Variants in TAF1B observed in about 807,000 individuals in gnomAD.
TAF1B encodes the protein TATA box-binding protein-associated factor RNA polymerase I subunit B.
In TAF1B, 61 loss-of-function variants were observed where a neutral mutation model predicts 83.9. That is an observed-to-expected ratio of 0.73 (90% CI 0.59 to 0.90). The LOEUF (loss-of-function observed/expected upper bound fraction) is 0.90, where lower values mean the gene tolerates loss of function less well. Ranked by LOEUF, TAF1B falls within the 40% of genes least tolerant of loss-of-function variation. The probability of loss-of-function intolerance (pLI) is 0.00; values close to 1 mark genes in which losing one functional copy is unlikely to be tolerated. For missense variants in TAF1B, 625 were observed against 677.0 expected (o/e 0.92, Z 0.85); for synonymous variants, 221 against 224.6 (o/e 0.98, Z 0.14).
In TAF1B at chr2:9,845,264, G is replaced by A; in HGVS notation, c.63G>A (p.Trp21Ter). ...GTACTCAGTGTGCTGCTGTCTCATG[G>A]GGTCTTACTGATGAAGGCAAATATT... ...ERCTQCAAVS[W>*]GLTDEGKYYC... Residue 21 changes from tryptophan to a stop codon, truncating the protein, a stop_gained, in exon 2 of 15, where the codon TGG becomes TGA. Transcript: ENST00000263663. LOFTEE classifies it high-confidence loss of function. 2 of 1,613,860 alleles carry A rather than the reference G, an allele frequency of 1.2e-6. No individual in the cohort carries two copies. The highest frequency in any genetic ancestry group is 1.7e-6 in the Non-Finnish European group (2 of 1,179,864).
At chr2:9,891,367 C>T (rs1479336423) in intron 8 of TAF1B, among the ~76,000 whole-genome samples, 1 of 152,140 alleles carries the variant, frequency 6.6e-6, no homozygotes, top group African/African-American at 2.4e-5. Context: ...TTATTCTCCA[C>T]CTTTATTTCC....
At chr2:9,895,673 T>C (rs1375238742) in intron 8 of TAF1B, among the ~76,000 whole-genome samples, 1 of 152,210 alleles carries the variant, frequency 6.6e-6, no homozygotes, top group Non-Finnish European at 1.5e-5. Context: ...TTCTGATAGT[T>C]TTATTCCTTG....
rs147521086 is a variant in TAF1B, at chr2:9,882,774, A to G, written c.776A>G (p.Tyr259Cys). The change falls in exon 8 of 15, where the codon TAT becomes TGT. Residue 259 changes from tyrosine to cysteine, a missense_variant. Physicochemically the swap from Tyr to Cys is radical, Grantham distance 194. Coordinates refer to ENST00000263663, the MANE Select transcript of TAF1B (RefSeq NM_005680.3). ...FQHFPEQMKL[Y>C]GRDRGIFGIE... is the part of the protein sequence containing the mutation. Reference sequence around the variant, plus strand: ...CATTTTCCAGAACAGATGAAATTATATGGACGTGACAGAGGAATCTTTGGT... The same window carrying G: ...CATTTTCCAGAACAGATGAAATTATGTGGACGTGACAGAGGAATCTTTGGT... 47 of 1,611,808 alleles carry G rather than the reference A, an allele frequency of 2.9e-5. No homozygotes were observed. The African/African-American group carries it at 5.5e-4, about 19-fold the overall frequency.
rs73913907 is a variant in TAF1B at position 9,883,729 on chromosome 2, G to A, written c.807+924G>A. The stretch of plus-strand genomic sequence containing the variant: ...TGAAGAAGAGAAAACCAATAATGAG[G>A]ATGGCACAATAGGTGCTTCCAAAGG... On this transcript the variant is annotated intron_variant, in intron 8 of 14. Transcript: ENST00000263663. 4.0e-3 allele frequency among the ~76,000 whole-genome samples: 613 copies of A among 152,328 alleles called. 5 individuals are homozygous for A. The highest frequency in any genetic ancestry group is 0.014 in the African/African-American group (584 of 41,568).
chr2:9,911,424 C>G, intron 10 of TAF1B, 87 bp from the exon 11 acceptor site: 4 of 1,059,984 alleles, frequency 3.8e-6, no homozygotes, highest in South Asian at 3.2e-5. Flanking sequence ...AAATACTGTT[C>G]TACACTTTTC....
chr2:9,883,425 T>C (rs781457526), intron 8 of TAF1B, among the ~76,000 whole-genome samples: 3 of 152,216 alleles, frequency 2.0e-5, no homozygotes, highest in Admixed American at 6.5e-5. Flanking sequence ...TAGAACTTCA[T>C]GACCCTGACA....
At chr2:9,917,842 G>A (rs1665729972) in intron 12 of TAF1B, among the ~76,000 whole-genome samples, 1 of 151,946 alleles carries the variant, frequency 6.6e-6, no homozygotes, top group Non-Finnish European at 1.5e-5. Context: ...GGAGGCCGAG[G>A]CGGGCGGATC....
At chr2:9,927,787 A>G (rs977083466) in intron 14 of TAF1B, among the ~76,000 whole-genome samples, 13 of 152,262 alleles carry the variant, frequency 8.5e-5, no homozygotes, top group Admixed American at 7.2e-4. Context: ...AGATGGGTAG[A>G]TTGAAAAAAT....
chr2:9,916,401 G>A (rs979443940), intron 12 of TAF1B, among the ~76,000 whole-genome samples: 5 of 152,188 alleles, frequency 3.3e-5, no homozygotes, highest in African/African-American at 1.2e-4. Context: ...ACACTTAAGA[G>A]TATTTTTATT....
intron 5 of TAF1B, among the ~76,000 whole-genome samples, chr2:9,860,419 A>G (rs1262108194): frequency 1.3e-5 from 2 of 152,228 alleles, no homozygotes; most frequent in African/African-American, 4.8e-5. Flanking sequence ...GAGTGCTACA[A>G]ATTCAATTTT....
intron 1 of TAF1B, 83 bp from the exon 2 acceptor site, chr2:9,845,137 C>T: frequency 3.2e-6 from 3 of 927,112 alleles, no homozygotes; most frequent in Non-Finnish European, 5.1e-6. Flanking sequence ...GCCAGGAACC[C>T]ATTAAATAGA....
At chr2:9,871,779 T>C (rs531626011) in intron 6 of TAF1B, among the ~76,000 whole-genome samples, 5 of 152,224 alleles carry the variant, frequency 3.3e-5, no homozygotes, top group Admixed American at 2.0e-4. Context: ...CTTTGAGTCT[T>C]CTGTTTGGCG....
intron 6 of TAF1B, chr2:9,868,815 A>G (rs1363066718): frequency 4.9e-6 from 2 of 407,988 alleles, no homozygotes; most frequent in Non-Finnish European, 9.8e-6. Context: ...TCCAGTTTCT[A>G]AGCATAGACT....
chr2:9,843,848 T>G, intron 1 of TAF1B: 29 of 201,394 alleles, frequency 1.4e-4, no homozygotes, highest in East Asian at 6.1e-4. Context: ...TTTTGTGGGG[T>G]GGCCACCCAC....
chr2:9,888,021 TAAA>T, intron 8 of TAF1B, among the ~76,000 whole-genome samples: 1 of 152,056 alleles, frequency 6.6e-6, no homozygotes, highest in Middle Eastern at 3.4e-3. Flanking sequence ...GCCAACTAAT[TAAA>T]AAAAAATTTT....
chr2:9,852,594 C>G (rs979697537), intron 4 of TAF1B, among the ~76,000 whole-genome samples: 1 of 152,128 alleles, frequency 6.6e-6, no homozygotes, highest in African/African-American at 2.4e-5. Context: ...CGTGTTCAAG[C>G]AATTCTCCTG....
intron 8 of TAF1B, among the ~76,000 whole-genome samples, chr2:9,896,620 CAAAAAAAA>C (rs71391108): frequency 6.0e-5 from 4 of 66,540 alleles, no homozygotes; most frequent in African/African-American, 2.0e-4. Flanking sequence ...ATCTAAAAAC[CAAAAAAAA>C]AAAAAAAAAA....
chr2:9,917,880 G>A (rs888548819), intron 12 of TAF1B, among the ~76,000 whole-genome samples: 29 of 151,750 alleles, frequency 1.9e-4, no homozygotes, highest in Non-Finnish European at 2.5e-4. Flanking sequence ...AGACCATCCC[G>A]GCTAAAACGG....
chr2:9,886,900 A>C (rs1195584804), intron 8 of TAF1B, among the ~76,000 whole-genome samples: 1 of 152,186 alleles, frequency 6.6e-6, no homozygotes, highest in Non-Finnish European at 1.5e-5. Context: ...CCCTGTCTCT[A>C]CTAAAAATAC....
Sources: gnomAD v4.1 joint callset for allele counts (sites outside exome capture counted in the v4.1 genomes callset) on GRCh38, gnomAD v4.1.1 for gene constraint, MANE v1.5 for transcripts, NCBI Gene and HGNC (gene_info 2026-07-23, HGNC 2026-07-21) for gene names.